PBX1: variants seen among roughly 807,000 people sequenced by gnomAD.
The protein encoded by PBX1 is pre-B-cell leukemia transcription factor 1.
PBX1 carries 6 observed loss-of-function variants against 53.4 expected under a neutral mutation model. The ratio of observed to expected loss-of-function variants is 0.11; its 90% CI spans 0.06 to 0.22. The LOEUF (loss-of-function observed/expected upper bound fraction) is 0.22. PBX1 is among the 10% of genes least tolerant of loss of function. PBX1 has a pLI of 1.00. For synonymous variants in PBX1, 204 were observed against 212.3 expected, an observed-to-expected ratio of 0.96 and a Z score of 0.34; for missense variants, 251 against 551.4, an observed-to-expected ratio of 0.46 and a Z score of 5.46.
intron 7 of PBX1, 68 bp downstream of exon 7, chr1:164,820,252 C>A: frequency 1.1e-6 from 1 of 873,634 alleles, no homozygotes; most frequent in South Asian, 1.4e-5. Context: ...TTGTATTGGA[C>A]TTCCTGCTTC....
intron 2 of PBX1, among the ~76,000 whole-genome samples, chr1:164,759,078 G>A (rs1181120898): frequency 6.6e-6 from 1 of 152,144 alleles, no homozygotes; most frequent in Non-Finnish European, 1.5e-5. Context: ...TCTGGAGACT[G>A]GGCTGCATGC....
rs946633279 is a variant in PBX1 at position 164,795,360 on chromosome 1, C to T, written c.510+2622C>T. Among the ~76,000 whole-genome samples, 8 of 152,292 alleles carry T rather than the reference C, an allele frequency of 5.3e-5. No homozygotes were observed. In the East Asian group the frequency reaches 1.5e-3, roughly 29 times the overall value. ...AGCAGGTTGTCCTCTCTGTTACTTC[C>T]TTGGGCTAGATTACTGGCACCTAAG... On this transcript the variant is annotated intron_variant, in intron 3 of 8. Transcript: ENST00000420696.
intron 2 of PBX1, among the ~76,000 whole-genome samples, chr1:164,636,286 G>A (rs1327904908): frequency 1.3e-5 from 2 of 152,236 alleles, no homozygotes; most frequent in South Asian, 2.1e-4. Flanking sequence ...TTGAAAGGAT[G>A]ACTGAAAGAG....
intron 2 of PBX1, among the ~76,000 whole-genome samples, chr1:164,574,717 C>G (rs1300720816): frequency 1.3e-5 from 2 of 152,010 alleles, no homozygotes; most frequent in African/African-American, 4.8e-5. Context: ...TGTGGTGGCT[C>G]ACACCTATAA....
At chr1:164,640,545 G>GTT (rs751957824) in intron 2 of PBX1, among the ~76,000 whole-genome samples, 19 of 115,260 alleles carry the variant, frequency 1.6e-4, no homozygotes, top group South Asian at 3.2e-4. Flanking sequence ...GTTTTTTGGT[G>GTT]TTTTTTTTTT....
At chr1:164,689,462 C>T (rs1185371522) in intron 2 of PBX1, among the ~76,000 whole-genome samples, 2 of 151,954 alleles carry the variant, frequency 1.3e-5, no homozygotes, top group African/African-American at 4.8e-5. Flanking sequence ...TTAATCATCT[C>T]CTTGAGGGAG....
At chr1:164,567,084 C>T (rs1335752286) in intron 2 of PBX1, among the ~76,000 whole-genome samples, 1 of 151,980 alleles carries the variant, frequency 6.6e-6, no homozygotes, top group Non-Finnish European at 1.5e-5. Context: ...TTATTCTCGC[C>T]TGCCACTTCT....
intron 8 of PBX1, among the ~76,000 whole-genome samples, chr1:164,843,284 C>T (rs1671392851): frequency 6.6e-6 from 1 of 152,206 alleles, no homozygotes; most frequent in Admixed American, 6.5e-5. Context: ...CCCAGCATGA[C>T]ATGCTTCTTC....
At chr1:164,584,940 C>G (rs1012203362) in intron 2 of PBX1, among the ~76,000 whole-genome samples, 4 of 152,078 alleles carry the variant, frequency 2.6e-5, no homozygotes, top group African/African-American at 9.7e-5. Flanking sequence ...TCATGTTGAC[C>G]TTTTGTCCAG....
At chr1:164,729,796 T>C (rs978235096) in intron 2 of PBX1, among the ~76,000 whole-genome samples, 5 of 152,122 alleles carry the variant, frequency 3.3e-5, no homozygotes, top group African/African-American at 1.2e-4. Context: ...CTTCTCAGTA[T>C]AAGTATAATA....
intron 2 of PBX1, among the ~76,000 whole-genome samples, chr1:164,629,258 T>TTGAGTTAAATATGGAGCTTTG (rs1658252281): frequency 6.6e-6 from 1 of 152,154 alleles, no homozygotes; most frequent in African/African-American, 2.4e-5. Context: ...GTTAAGCATT[T>TTGAGTTAAATATGGAGCTTTG]TGAGTTAAAT....
chr1:164,651,175 T>C (rs2101922362), intron 2 of PBX1, among the ~76,000 whole-genome samples: 1 of 152,266 alleles, frequency 6.6e-6, no homozygotes, highest in East Asian at 1.9e-4. Context: ...TTTATTTCCT[T>C]CTTTCCCATC....
At chr1:164,662,144 G>A (rs1339285217) in intron 2 of PBX1, among the ~76,000 whole-genome samples, 2 of 152,080 alleles carry the variant, frequency 1.3e-5, no homozygotes, top group East Asian at 3.9e-4. Context: ...TGGCCAACAT[G>A]GCAAATCCCT....
At chr1:164,592,842 G>C (rs1289299655) in intron 2 of PBX1, among the ~76,000 whole-genome samples, 1 of 152,128 alleles carries the variant, frequency 6.6e-6, no homozygotes, top group African/African-American at 2.4e-5. Flanking sequence ...ACTGCCCCTG[G>C]GTTTTCTGTC....
At chr1:164,862,548 A>G (rs1307262695) in intron 2 of PBX1, among the ~76,000 whole-genome samples, 1 of 152,190 alleles carries the variant, frequency 6.6e-6, no homozygotes, top group African/African-American at 2.4e-5. Context: ...CATATAGGAG[A>G]AGACGGAACA....
chr1:164,758,485 C>T (rs1375783924), intron 2 of PBX1, among the ~76,000 whole-genome samples: 2 of 152,032 alleles, frequency 1.3e-5, no homozygotes, highest in African/African-American at 2.4e-5. Context: ...AGAGATGATG[C>T]GAGCATCCCT....
At chr1:164,744,021 T>G (rs1427456929) in intron 2 of PBX1, among the ~76,000 whole-genome samples, 1 of 152,160 alleles carries the variant, frequency 6.6e-6, no homozygotes, top group Non-Finnish European at 1.5e-5. Flanking sequence ...ACTAGAAGTC[T>G]GATGGGAACT....
At chr1:164,798,218 A>G (rs930413430) in intron 3 of PBX1, among the ~76,000 whole-genome samples, 1 of 152,234 alleles carries the variant, frequency 6.6e-6, no homozygotes, top group African/African-American at 2.4e-5. Flanking sequence ...ATAAATAATC[A>G]GTAAATGTCT....
At chr1:164,655,934 G>GGAACAA (rs1292932967) in intron 2 of PBX1, among the ~76,000 whole-genome samples, 3 of 152,042 alleles carry the variant, frequency 2.0e-5, no homozygotes, top group Non-Finnish European at 4.4e-5. Flanking sequence ...ATATGGAACA[G>GGAACAA]GAACAAGAAC....
Sources: gnomAD v4.1 joint callset for allele counts (sites outside exome capture counted in the v4.1 genomes callset) on GRCh38, gnomAD v4.1.1 for gene constraint, MANE v1.5 for transcripts, NCBI Gene and HGNC (gene_info 2026-07-23, HGNC 2026-07-21) for gene names.